SLC30A4: variants seen among roughly 807,000 people sequenced by gnomAD.
SLC30A4 encodes the protein solute carrier family 30 member 4.
A neutral mutation model predicts 41.7 loss-of-function variants in SLC30A4; 20 were observed. The observed-to-expected ratio is 0.48, with a 90% CI of 0.34 to 0.70. The LOEUF (loss-of-function observed/expected upper bound fraction) is 0.70. Among genes scored for constraint, SLC30A4 ranks in the 30% least tolerant of loss-of-function variants. SLC30A4 has a pLI of 0.01. For synonymous variants in SLC30A4, 181 were observed against 195.9 expected, an observed-to-expected ratio of 0.92 and a Z score of 0.64; for missense variants, 441 against 529.3, an observed-to-expected ratio of 0.83 and a Z score of 1.64.
rs1892698623 is a variant in SLC30A4, at chr15:45,522,311, C to G, written c.44G>C (p.Arg15Thr). The change falls in exon 2 of 8, where the codon AGG becomes ACG. Residue 15 changes from arginine (R) to threonine (T), a missense_variant. Arg to Thr is a moderately conservative substitution (Grantham distance 71, BLOSUM62 -1). Transcript: ENST00000261867. ...TAAAAACAGCGGCGCATCATCCTTC[C>G]TTAGCATAGATTTGAGGCGCTTCCA... is the stretch of plus-strand genomic sequence containing the variant. ...GAWKRLKSML[R>T]KDDAPLFLND... is the part of the protein sequence containing the mutation. 6.2e-7 allele frequency: 1 copy of G among 1,613,838 alleles called. No homozygotes were observed. Among genetic ancestry groups the G allele is most frequent in the Admixed American group, 1.7e-5 (1 of 60,008 alleles).
chr15:45,499,910 T>C (rs1203442908), intron 3 of SLC30A4, among the ~76,000 whole-genome samples: 3 of 152,186 alleles, frequency 2.0e-5, no homozygotes, highest in South Asian at 2.1e-4. Flanking sequence ...GAAGGAAAAG[T>C]AGCAACAGAA....
In SLC30A4 at chr15:45,522,000, C is replaced by T. The variant is rs1892682216; in HGVS notation, c.355G>A (p.Val119Ile). ...CCAATCATGAAAAGCAAGTACAGAA[C>T]GGCAGCAATGGTCAACCTGGCTTTC... is the stretch of plus-strand genomic sequence containing the variant. ...KVKARLTIAA[V>I]LYLLFMIGEL... is the part of the protein sequence containing the mutation. Residue 119 changes from valine (V) to isoleucine (I), a missense_variant, in exon 2 of 8, where the codon GTT becomes ATT. Physicochemically the swap from Val to Ile is conservative, Grantham distance 29 (BLOSUM62 3). Transcript: ENST00000261867. 2 of 1,614,080 alleles carry T rather than the reference C, an allele frequency of 1.2e-6. No individual in the cohort carries two copies. Among genetic ancestry groups the T allele is most frequent in the South Asian group, 2.2e-5 (2 of 91,076 alleles).
At position 45,486,733 on chromosome 15, in the gene SLC30A4, T is replaced by C. The variant is rs1891712701; in HGVS notation, c.1013A>G (p.His338Arg). 6.4e-7 allele frequency: 1 copy of C among 1,550,668 alleles called. No individual in the cohort carries two copies. Among genetic ancestry groups the C allele is most frequent in the Non-Finnish European group, 8.7e-7 (1 of 1,144,040 alleles). The stretch of plus-strand genomic sequence containing the variant: ...TTCTTTGATATAGTCTACATTCAAA[T>C]GGCTTGGCACACCTATTAGGAATAT... ...VVIILEGVPSHLNVDYIKEAL... is the reference protein window; with the variant it reads ...VVIILEGVPSRLNVDYIKEAL... The change falls in exon 7 of 8, where the codon CAT becomes CGT. Residue 338 changes from histidine to arginine, a missense_variant. Coordinates refer to ENST00000261867, the MANE Select transcript of SLC30A4 (RefSeq NM_013309.6).
In SLC30A4 at chr15:45,486,578, A is replaced by G. The variant is rs1185422080; in HGVS notation, c.1135+33T>C. ...TAGTTTCAAAGGCAGAAGTCCACCAACCCCAGGCCCACATTTACTACCAGC... is the reference window on the plus strand; with the variant it reads ...TAGTTTCAAAGGCAGAAGTCCACCAGCCCCAGGCCCACATTTACTACCAGC... On this transcript the variant is annotated intron_variant, in intron 7 of 7. Coordinates refer to ENST00000261867, the MANE Select transcript of SLC30A4 (RefSeq NM_013309.6). The G allele has an allele frequency of 3.2e-6, 5 of 1,542,956 alleles. No individual in the cohort carries two copies. In the African/African-American group the frequency reaches 7.1e-5, roughly 22 times the overall value.
In SLC30A4 at chr15:45,482,551, C is replaced by T. The variant is rs1891618592; in HGVS notation, c.*2612G>A. 6.6e-6 allele frequency: 1 copy of T among 152,030 alleles called. No homozygotes were observed. Among genetic ancestry groups the T allele is most frequent in the South Asian group, 2.1e-4 (1 of 4,824 alleles). 9.4% of individuals were successfully genotyped at this position (152,030 alleles called of 1,614,324 possible). On this transcript the variant is annotated 3_prime_UTR_variant, in exon 8 of 8. Coordinates refer to ENST00000261867, the MANE Select transcript of SLC30A4 (RefSeq NM_013309.6). ...TAAAGAAAAGTTTACAAGAAACAAG[C>T]TCAATAGATATAAAAAAATGATTAG...
intron 4 of SLC30A4, 76 bp from the exon 5 acceptor site, chr15:45,489,118 G>A: frequency 1.0e-6 from 1 of 987,254 alleles, no homozygotes; most frequent in South Asian, 1.6e-5. Flanking sequence ...AGACACTAAT[G>A]AGGTAACATG....
At chr15:45,521,291 A>T (rs1892657544) in intron 2 of SLC30A4, among the ~76,000 whole-genome samples, 1 of 152,392 alleles carries the variant, frequency 6.6e-6, no homozygotes, top group East Asian at 1.9e-4. Flanking sequence ...AACCAGGCTC[A>T]TAGAACTTTG....
intron 7 of SLC30A4, among the ~76,000 whole-genome samples, chr15:45,486,041 G>A (rs1891697575): frequency 6.7e-6 from 1 of 149,532 alleles, no homozygotes; most frequent in Admixed American, 6.7e-5. Flanking sequence ...TTTTTTTTCC[G>A]AGATGGAGTC....
rs1296003261 is a variant in SLC30A4, at chr15:45,480,444, C to G, written c.*4719G>C. On this transcript the variant is annotated 3_prime_UTR_variant, in exon 8 of 8. Transcript: ENST00000261867. ...TTAGGGTTTGCAAATTGTATTTTGGCTACAAAGATATTAAACTTTATCAAT... is the reference window on the plus strand; with the variant it reads ...TTAGGGTTTGCAAATTGTATTTTGGGTACAAAGATATTAAACTTTATCAAT... 2 of 152,190 alleles carry G rather than the reference C, an allele frequency of 1.3e-5. No homozygotes were observed. Among genetic ancestry groups the G allele is most frequent in the Non-Finnish European group, 2.9e-5 (2 of 68,028 alleles). The allele number at this position is 152,190 out of a possible 1,614,324, so 9.4% of individuals were successfully genotyped here.
chr15:45,522,364 T>C lies in SLC30A4; in HGVS notation c.-10A>G, dbSNP rs1892701355. ...CGCCAGAGCCGGCCATGGCAGAGGCTGAGCGGCCGCGGTGCGGAACGGCTT... is the reference window on the plus strand; with the variant it reads ...CGCCAGAGCCGGCCATGGCAGAGGCCGAGCGGCCGCGGTGCGGAACGGCTT... On this transcript the variant is annotated 5_prime_UTR_variant, in exon 2 of 8. Coordinates refer to ENST00000261867, the MANE Select transcript of SLC30A4 (RefSeq NM_013309.6). The C allele has an allele frequency of 6.3e-7, 1 of 1,592,292 alleles. No homozygotes were observed. Among genetic ancestry groups the C allele is most frequent in the Non-Finnish European group, 8.5e-7 (1 of 1,170,894 alleles).
intron 3 of SLC30A4, among the ~76,000 whole-genome samples, chr15:45,501,660 C>T (rs1892037769): frequency 6.6e-6 from 1 of 151,944 alleles, no homozygotes; most frequent in Admixed American, 6.5e-5. Flanking sequence ...GCCACCATGG[C>T]TGGCTAATTT....
chr15:45,512,861 C>T (rs865868391), intron 2 of SLC30A4, among the ~76,000 whole-genome samples: 10 of 152,206 alleles, frequency 6.6e-5, no homozygotes, highest in African/African-American at 2.2e-4. Context: ...GGCACAGTGG[C>T]TTATGCCTGT....
At chr15:45,489,112 A>G in intron 4 of SLC30A4, 70 bp from the exon 5 acceptor site, 2 of 1,055,918 alleles carry the variant, frequency 1.9e-6, no homozygotes, top group Non-Finnish European at 2.8e-6. Flanking sequence ...CTAGTCAGAC[A>G]CTAATGAGGT....
intron 2 of SLC30A4, among the ~76,000 whole-genome samples, chr15:45,520,378 T>G (rs1481271714): frequency 6.6e-6 from 1 of 152,136 alleles, no homozygotes; most frequent in Non-Finnish European, 1.5e-5. Flanking sequence ...CAAGCGATTC[T>G]CCTGCTTTAG....
rs750408147 is a variant in SLC30A4 at position 45,522,203 on chromosome 15, GCCA to G, written c.149_151del (p.Val50del). The G allele has an allele frequency of 5.6e-6, 9 of 1,614,116 alleles. No homozygotes were observed. In the African/African-American group the frequency reaches 1.2e-4, roughly 22 times the overall value. On this transcript the variant is annotated inframe_deletion, in exon 2 of 8. Transcript: ENST00000261867. ...TTCCGGGGCTTCGGAACCGTCATCG[GCCA>G]CCACAACTCGAAGTTTGTTGAACCG... is the stretch of plus-strand genomic sequence containing the variant.
rs376757894 is a variant in SLC30A4 at position 45,494,156 on chromosome 15, C to T, written c.539-3275G>A. 2.8e-4 allele frequency among the ~76,000 whole-genome samples: 42 copies of T among 151,954 alleles called. 1 individual carries two copies. In the East Asian group the frequency reaches 6.8e-3, roughly 25 times the overall value. On this transcript the variant is annotated intron_variant, in intron 3 of 7. Transcript: ENST00000261867. Reference sequence around the variant, plus strand: ...GTAGTTCACATTGATAGCAGGTATTCAAATATTTATGGATGATTTTTTAGA... The same window carrying T: ...GTAGTTCACATTGATAGCAGGTATTTAAATATTTATGGATGATTTTTTAGA...
Position 45,522,351 on chromosome 15 carries a change from C to T in SLC30A4, c.4G>A (p.Ala2Thr). The change falls in exon 2 of 8, where the codon GCC becomes ACC. Residue 2 changes from alanine (A) to threonine (T), a missense_variant. Coordinates refer to ENST00000261867, the MANE Select transcript of SLC30A4 (RefSeq NM_013309.6). M[A>T]GSGAWKRLKS... ...AGGCGCTTCCACGCGCCAGAGCCGG[C>T]CATGGCAGAGGCTGAGCGGCCGCGG... 6.2e-7 allele frequency: 1 copy of T among 1,605,054 alleles called. No homozygotes were observed. Among genetic ancestry groups the T allele is most frequent in the Non-Finnish European group, 8.5e-7 (1 of 1,176,108 alleles).
At chr15:45,496,874 T>TAAATAAAA (rs1555391477) in intron 3 of SLC30A4, among the ~76,000 whole-genome samples, 8 of 142,108 alleles carry the variant, frequency 5.6e-5, no homozygotes, top group Non-Finnish European at 9.2e-5. Flanking sequence ...AATAAATAAA[T>TAAATAAAA]AAAATAAATA....
Position 45,488,975 on chromosome 15 carries a change from G to A in SLC30A4, c.760C>T (p.Pro254Ser). Residue 254 changes from proline to serine, a missense_variant, in exon 5 of 8, where the codon CCT becomes TCT. Physicochemically the swap from Pro to Ser is moderately conservative, Grantham distance 74. Around this residue, in one of 3 missense-constraint regions of SLC30A4, gnomAD observed 312 missense variants for 341.9 expected, o/e 0.91. Transcript: ENST00000261867. ...CGTTCACACCCAGAACCTCTGGTAG[G>A]GGAATTTGAAGGCAGGGAGTGGGAA... is the stretch of plus-strand genomic sequence containing the variant. ...SHSHSLPSNSPTRGSGCERNH... is the reference protein window; with the variant it reads ...SHSHSLPSNSSTRGSGCERNH... The A allele has an allele frequency of 6.2e-7, 1 of 1,614,056 alleles. No homozygotes were observed. Among genetic ancestry groups the A allele is most frequent in the Non-Finnish European group, 8.5e-7 (1 of 1,179,936 alleles).
Sources: gnomAD v4.1 joint callset for allele counts (sites outside exome capture counted in the v4.1 genomes callset) on GRCh38, gnomAD v4.1.1 for gene constraint, gnomAD v4.1.1 regional missense constraint, MANE v1.5 for transcripts, NCBI Gene and HGNC (gene_info 2026-07-23, HGNC 2026-07-21) for gene names.